PTPRA: variants seen among roughly 807,000 people sequenced by gnomAD.
The protein encoded by PTPRA is protein tyrosine phosphatase receptor type A.
In PTPRA, 25 loss-of-function variants were observed where a neutral mutation model predicts 104.8. The observed-to-expected ratio is 0.24, with a 90% CI of 0.17 to 0.33. The LOEUF is 0.33. PTPRA is among the 10% of genes least tolerant of loss of function. The probability of loss-of-function intolerance (pLI) is 1.00; values close to 1 mark genes in which losing one functional copy is unlikely to be tolerated. For missense variants in PTPRA, 765 were observed against 1,015.3 expected (o/e 0.75, Z 3.35); for synonymous variants, 323 against 368.9 (o/e 0.88, Z 1.43).
chr20:3,032,154 C>T (rs1340157228), intron 20 of PTPRA, among the ~76,000 whole-genome samples: 1 of 152,186 alleles, frequency 6.6e-6, no homozygotes, highest in Non-Finnish European at 1.5e-5. Context: ...TGTCATCCTC[C>T]CACCCCCAAA....
intron 11 of PTPRA, among the ~76,000 whole-genome samples, chr20:3,012,237 A>G (rs2064207143): frequency 6.6e-6 from 1 of 152,230 alleles, no homozygotes; most frequent in Non-Finnish European, 1.5e-5. Context: ...CCACATTTAC[A>G]TATTGATCAC....
chr20:2,998,867 C>T (rs2063509007), intron 9 of PTPRA, among the ~76,000 whole-genome samples: 4 of 151,282 alleles, frequency 2.6e-5, no homozygotes, highest in Admixed American at 2.6e-4. Flanking sequence ...ATTCATCAGA[C>T]ATATTATAGA....
At chr20:2,939,835 G>A (rs1394933755) in intron 2 of PTPRA, among the ~76,000 whole-genome samples, 6 of 152,216 alleles carry the variant, frequency 3.9e-5, no homozygotes, top group Admixed American at 3.3e-4. Flanking sequence ...GGCTGGGCGC[G>A]GTGGCTGACG....
intron 3 of PTPRA, among the ~76,000 whole-genome samples, chr20:2,957,233 C>T (rs538027859): frequency 1.1e-4 from 17 of 152,108 alleles, no homozygotes; most frequent in East Asian, 1.9e-4. Flanking sequence ...TGCACTGAGC[C>T]GAGATCGCGC....
At chr20:2,954,895 C>T (rs1430844012) in intron 3 of PTPRA, among the ~76,000 whole-genome samples, 2 of 152,106 alleles carry the variant, frequency 1.3e-5, no homozygotes, top group Non-Finnish European at 2.9e-5. Context: ...AGGGGTCCAG[C>T]GTTATTGTTT....
At chr20:2,897,384 CTTTTTTTT>C (rs60627339) in intron 1 of PTPRA, among the ~76,000 whole-genome samples, 3 of 108,930 alleles carry the variant, frequency 2.8e-5, no homozygotes, top group Non-Finnish European at 5.5e-5. Context: ...CTTGGCATTT[CTTTTTTTT>C]TTTTTTTTTT....
chr20:2,898,928 G>A (rs1024124972), intron 1 of PTPRA, among the ~76,000 whole-genome samples: 2 of 152,182 alleles, frequency 1.3e-5, no homozygotes, highest in East Asian at 3.9e-4. Flanking sequence ...TTTTATCAGG[G>A]AACCCTGGTT....
rs71195813 is a variant in PTPRA at position 3,029,540 on chromosome 20, C to CTTTTTTTT, written c.1920+1710_1920+1717dup. On this transcript the variant is annotated intron_variant, in intron 20 of 23. Transcript: ENST00000399903. ...GACATACTTTGTAGGTCTTCATCATCTTTTTTTTTTTTTTTTTTGAGACGG... is the reference window on the plus strand; with the variant it reads ...GACATACTTTGTAGGTCTTCATCATCTTTTTTTTTTTTTTTTTTTTTTTTTTGAGACGG... Among the ~76,000 whole-genome samples, 229 of 78,050 alleles carry CTTTTTTTT rather than the reference C, an allele frequency of 2.9e-3. 49 individuals carry two copies. In the South Asian group the frequency reaches 0.037, roughly 13 times the overall value. The allele number at this position is 78,050 out of a possible 152,430, so 51.2% of individuals were successfully genotyped here.
intron 2 of PTPRA, among the ~76,000 whole-genome samples, chr20:2,946,726 T>TA (rs1259131159): frequency 6.6e-6 from 1 of 151,910 alleles, no homozygotes; most frequent in African/African-American, 2.4e-5. Flanking sequence ...CGCATGCCTG[T>TA]AATCCCAGCT....
At chr20:2,881,755 C>G (rs2090062067) in intron 1 of PTPRA, among the ~76,000 whole-genome samples, 1 of 152,194 alleles carries the variant, frequency 6.6e-6, no homozygotes. Context: ...AATCCCAGCA[C>G]TTTGGGAGGC....
At chr20:2,996,570 A>G (rs148788042) in intron 9 of PTPRA, among the ~76,000 whole-genome samples, 2 of 152,328 alleles carry the variant, frequency 1.3e-5, no homozygotes, top group African/African-American at 4.8e-5. Flanking sequence ...ATGTCGTAAA[A>G]AAGTGGCCAA....
rs952541200 is a variant in PTPRA, at chr20:2,955,340, C to G, written c.-7+7316C>G. 2.0e-5 allele frequency among the ~76,000 whole-genome samples: 3 copies of G among 152,294 alleles called. No individual in the cohort carries two copies. In the South Asian group the frequency reaches 6.2e-4, roughly 32 times the overall value. ...GTTTATTGTAGTAATCTGACTGACT[C>G]TTTTGCCTCCAGACTCATCTCTTTC... On this transcript the variant is annotated intron_variant, in intron 3 of 23. Transcript: ENST00000399903.
At chr20:2,870,226 G>A (rs187356204), upstream of PTPRA, among the ~76,000 whole-genome samples, 544 of 152,088 alleles carry the variant, frequency 3.6e-3, 3 homozygotes, top group African/African-American at 0.013. Context: ...AAATTAGCCA[G>A]GCGTGGTGGC....
At chr20:3,014,651 AAAAG>A (rs1201227900) in intron 11 of PTPRA, among the ~76,000 whole-genome samples, 1 of 152,146 alleles carries the variant, frequency 6.6e-6, no homozygotes, top group Non-Finnish European at 1.5e-5. Context: ...CTCAAAAAAA[AAAAG>A]AAAGTGGCTC....
chr20:2,916,583 G>C (rs1269655652), intron 1 of PTPRA, among the ~76,000 whole-genome samples: 1 of 152,122 alleles, frequency 6.6e-6, no homozygotes, highest in Non-Finnish European at 1.5e-5. Flanking sequence ...GCCAGCCATG[G>C]TGGTGTGTGC....
intron 2 of PTPRA, among the ~76,000 whole-genome samples, chr20:2,932,110 A>G (rs2060528311): frequency 6.6e-6 from 1 of 152,228 alleles, no homozygotes. Flanking sequence ...TTGAGTAGTC[A>G]TTGTGTCAAA....
intron 1 of PTPRA, among the ~76,000 whole-genome samples, chr20:2,913,270 C>A (rs2059787516): frequency 6.6e-6 from 1 of 152,096 alleles, no homozygotes; most frequent in Non-Finnish European, 1.5e-5. Flanking sequence ...CCCAGCTACT[C>A]AGGAGGCTGA....
At chr20:3,024,918 A>G (rs2065058262) in intron 17 of PTPRA, among the ~76,000 whole-genome samples, 1 of 152,208 alleles carries the variant, frequency 6.6e-6, no homozygotes, top group African/African-American at 2.4e-5. Flanking sequence ...GATAATAAAT[A>G]TTTTAGGCTT....
chr20:2,998,177 CAA>C (rs11475589), intron 9 of PTPRA, among the ~76,000 whole-genome samples: 85 of 83,146 alleles, frequency 1.0e-3, no homozygotes, highest in Non-Finnish European at 1.2e-3. Context: ...GACTCTGTCT[CAA>C]AAAAAAAAAA....
Sources: allele counts gnomAD v4.1 joint callset (sites outside exome capture counted in the v4.1 genomes callset), GRCh38; gene constraint gnomAD v4.1.1; transcripts MANE v1.5; gene names NCBI Gene and HGNC (gene_info 2026-07-23, HGNC 2026-07-21).